CCNB3: variants seen among roughly 807,000 people sequenced by gnomAD.
The protein encoded by CCNB3 is G2/mitotic-specific cyclin-B3.
A neutral mutation model predicts 68.0 loss-of-function variants in CCNB3; 12 were observed. The observed-to-expected ratio is 0.18, with a 90% CI of 0.11 to 0.29. CCNB3 has a LOEUF of 0.29. Among genes scored for constraint, CCNB3 ranks in the 10% least tolerant of loss-of-function variants. CCNB3 has a pLI of 1.00. For synonymous variants in CCNB3, 354 were observed against 388.9 expected (o/e 0.91, Z 1.06); for missense variants, 904 against 993.1 (o/e 0.91, Z 1.21).
At chrX:50,295,685 G>A (rs782706221) in intron 5 of CCNB3, among the ~76,000 whole-genome samples, 1 of 111,627 alleles carries the variant, frequency 9.0e-6, no homozygotes, top group East Asian at 2.8e-4. Flanking sequence ...GTGGAGTGAT[G>A]TTAACACAGC....
At chrX:50,349,076 T>C (rs1381037583) in intron 11 of CCNB3, among the ~76,000 whole-genome samples, 8 of 112,941 alleles carry the variant, frequency 7.1e-5, no homozygotes, top group Admixed American at 1.9e-4. Context: ...CAATCCTCTA[T>C]GTTAGTATAC....
intron 8 of CCNB3, among the ~76,000 whole-genome samples, chrX:50,315,628 C>T: frequency 9.0e-6 from 1 of 111,282 alleles, no homozygotes; most frequent in South Asian, 3.8e-4. Context: ...TGTGTATAGT[C>T]TATTTGATCA....
intron 5 of CCNB3, among the ~76,000 whole-genome samples, chrX:50,300,477 C>G (rs1303421374): frequency 8.9e-6 from 1 of 111,963 alleles, no homozygotes; most frequent in African/African-American, 3.2e-5. Context: ...TCTCTTCCGG[C>G]TTGTAGAGTT....
At chrX:50,204,457 T>TG (rs1375957606), upstream of CCNB3, 5 of 97,983 alleles carry the variant, frequency 5.1e-5, no homozygotes, top group Non-Finnish European at 8.1e-5. Flanking sequence ...ACGTGACTGG[T>TG]GGGGGTGCTT....
In CCNB3 at chrX:50,309,985, G is replaced by A; in HGVS notation, c.1816G>A (p.Val606Ile). Residue 606 changes from valine to isoleucine, a missense_variant, in exon 6 of 13, where the codon GTC becomes ATC. By Grantham distance (29) the Val-to-Ile change is conservative. Around this residue, in one of 2 missense-constraint regions of CCNB3, gnomAD observed 619 missense variants for 609.8 expected, o/e 1.02. Coordinates refer to ENST00000376042, the MANE Select transcript of CCNB3 (RefSeq NM_033031.3). ...GKMSHLKKPL[V>I]LQKITSEEES... ...GATGTCCCACTTAAAGAAGCCACTG[G>A]TCTTGCAGAAGATCACTTCTGAGGA... 2.5e-6 allele frequency: 3 copies of A among 1,210,951 alleles called. No individual in the cohort carries two copies. The highest frequency in any genetic ancestry group is 3.4e-6 in the Non-Finnish European group (3 of 894,897).
intron 3 of CCNB3, among the ~76,000 whole-genome samples, chrX:50,285,648 A>C (rs763607494): frequency 9.0e-6 from 1 of 111,452 alleles, no homozygotes; most frequent in Non-Finnish European, 1.9e-5. Context: ...TATAGCTATT[A>C]AATTTGAAGA....
Position 50,347,636 on chromosome X carries a change from C to T in CCNB3, c.3821C>T (p.Thr1274Ile). 8.3e-7 allele frequency: 1 copy of T among 1,209,248 alleles called. No individual in the cohort carries two copies. Among genetic ancestry groups the T allele is most frequent in the Non-Finnish European group, 1.1e-6 (1 of 894,403 alleles). ...TCTCATTGCCTTTAGTGTATCCACA[C>T]CAACATGAAGACACTGACCTTGTCC... ...FLRRYARCIH[T>I]NMKTLTLSRY... Residue 1274 changes from threonine to isoleucine, a missense_variant, in exon 11 of 13, where the codon ACC (threonine) becomes ATC (isoleucine). Coordinates refer to ENST00000376042, the MANE Select transcript of CCNB3 (RefSeq NM_033031.3).
chrX:50,312,752 A>T, intron 7 of CCNB3, 120 bp downstream of exon 7: 1 of 476,599 alleles, frequency 2.1e-6, no homozygotes, highest in Non-Finnish European at 3.7e-6. Context: ...AATAGCAACA[A>T]CTAACATATT....
chrX:50,325,525 A>G (rs186810920), intron 8 of CCNB3, among the ~76,000 whole-genome samples: 92 of 112,465 alleles, frequency 8.2e-4, no homozygotes, highest in Middle Eastern at 4.6e-3. Context: ...TGGTTGATAC[A>G]GTGGAACCTT....
intron 8 of CCNB3, among the ~76,000 whole-genome samples, chrX:50,321,227 T>C (rs924067262): frequency 9.0e-6 from 1 of 111,657 alleles, no homozygotes; most frequent in South Asian, 3.7e-4. Context: ...CATAATCTTA[T>C]CAACAAAAGA....
Position 50,226,652 on chromosome X carries a change from T to TATATCTATAAATATATATAGAAC in CCNB3, c.-113+21725_-113+21747dup, listed in dbSNP as rs1935827578. Among the ~76,000 whole-genome samples the TATATCTATAAATATATATAGAAC allele has an allele frequency of 8.6e-5, 7 of 81,231 alleles. No individual in the cohort carries two copies. The Admixed American group carries it at 1.1e-3, about 13-fold the overall frequency. The allele number at this position is 81,231 out of a possible 115,157, so 70.5% of individuals were successfully genotyped here. On this transcript the variant is annotated intron_variant, in intron 1 of 12. Transcript: ENST00000376042. Reference sequence around the variant, plus strand: ...TATATCTATAAATATATATATAGAATATATCTATAAATATATATAGAACAT... The same window carrying TATATCTATAAATATATATAGAAC: ...TATATCTATAAATATATATATAGAATATATCTATAAATATATATAGAACATATCTATAAATATATATAGAACAT...
At position 50,288,236 on chromosome X, in the gene CCNB3, A is replaced by C. The variant is rs571566775; in HGVS notation, c.97-544A>C. Among the ~76,000 whole-genome samples, 14 of 110,741 alleles carry C rather than the reference A, an allele frequency of 1.3e-4. 1 individual carries two copies. The South Asian group carries it at 5.5e-3, about 43-fold the overall frequency. ...GTCCGTGGAAAATTTGTCTTCCATG[A>C]AACCAGTCCCTGGTGCCAAAAAGGT... On this transcript the variant is annotated intron_variant, in intron 3 of 12. Transcript: ENST00000376042.
rs1557214905 is a variant in CCNB3 at position 50,311,223 on chromosome X, A to G, written c.3054A>G (p.Lys1018=). The G allele has an allele frequency of 2.8e-5, 34 of 1,209,085 alleles. No individual in the cohort carries two copies. Among genetic ancestry groups the G allele is most frequent in the Non-Finnish European group, 3.8e-5 (34 of 894,736 alleles). The change falls in exon 6 of 13, where the codon AAA becomes AAG. Residue 1018 remains lysine (K), a synonymous_variant. Transcript: ENST00000376042. ...AAGATATGATAACTCTGAATGAGAAACCCACCACTGGGAAGGAGTTGTCCT... is the reference window on the plus strand; with the variant it reads ...AAGATATGATAACTCTGAATGAGAAGCCCACCACTGGGAAGGAGTTGTCCT... ...LFEDMITLNE[K]PTTGKELSFK...
chrX:50,221,697 G>T (rs1935676553), intron 1 of CCNB3, among the ~76,000 whole-genome samples: 1 of 111,335 alleles, frequency 9.0e-6, no homozygotes, highest in African/African-American at 3.3e-5. Context: ...CAATTATGTG[G>T]TCAATTTTAG....
At chrX:50,207,517 A>G (rs1361451659) in intron 1 of CCNB3, among the ~76,000 whole-genome samples, 2 of 111,581 alleles carry the variant, frequency 1.8e-5, no homozygotes, top group Non-Finnish European at 3.8e-5. Flanking sequence ...TGATATTTAC[A>G]TAATTGAAAA....
At chrX:50,297,759 A>G (rs1291027290) in intron 5 of CCNB3, among the ~76,000 whole-genome samples, 5 of 111,610 alleles carry the variant, frequency 4.5e-5, no homozygotes, top group Non-Finnish European at 9.4e-5. Flanking sequence ...CTTCCTACCC[A>G]TGAGCATGGA....
intron 4 of CCNB3, among the ~76,000 whole-genome samples, chrX:50,291,610 A>G (rs1464669322): frequency 8.9e-6 from 1 of 111,975 alleles, no homozygotes; most frequent in Non-Finnish European, 1.9e-5. Context: ...ATGGGGAAGT[A>G]CAAGTAAAGG....
At chrX:50,293,375 C>T (rs782541800) in intron 4 of CCNB3, among the ~76,000 whole-genome samples, 7 of 110,413 alleles carry the variant, frequency 6.3e-5, no homozygotes, top group Middle Eastern at 9.4e-3. Context: ...TTCACTTCCA[C>T]TCAAATTTTG....
At chrX:50,291,351 T>C (rs1403971447) in intron 4 of CCNB3, among the ~76,000 whole-genome samples, 2 of 111,759 alleles carry the variant, frequency 1.8e-5, no homozygotes, top group Non-Finnish European at 3.8e-5. Context: ...CTGCCCAAGC[T>C]GGCATGATCA....
Sources: gnomAD v4.1 joint callset for allele counts (sites outside exome capture counted in the v4.1 genomes callset) on GRCh38, gnomAD v4.1.1 for gene constraint, gnomAD v4.1.1 regional missense constraint, MANE v1.5 for transcripts, NCBI Gene and HGNC (gene_info 2026-07-23, HGNC 2026-07-21) for gene names.